SULT6B1: variants seen among roughly 807,000 people sequenced by gnomAD.
SULT6B1 encodes the protein sulfotransferase family 6B member 1.
In SULT6B1, 44 loss-of-function variants were observed where a neutral mutation model predicts 37.2. That is an observed-to-expected ratio of 1.18 (90% CI 0.93 to 1.52). The LOEUF is 1.52. Ranked by LOEUF, SULT6B1 falls within the 40% of genes most tolerant of loss-of-function variation. SULT6B1 has a pLI of 0.00. For synonymous variants in SULT6B1, 140 were observed against 126.0 expected (o/e 1.11, Z -0.74); for missense variants, 450 against 361.0 (o/e 1.25, Z -2.00).
chr2:37,168,404 A>G (rs1173580305), intron 6 of SULT6B1, among the ~76,000 whole-genome samples: 1 of 152,150 alleles, frequency 6.6e-6, no homozygotes, highest in African/African-American at 2.4e-5. Context: ...GTGATCCGCC[A>G]GCCTCGGCCT....
chr2:37,187,479 A>G lies in SULT6B1; in HGVS notation c.200-12T>C. 3 of 1,522,394 alleles carry G rather than the reference A, an allele frequency of 2.0e-6. No homozygotes were observed. The South Asian group carries it at 3.6e-5, about 18-fold the overall frequency. The allele number at this position is 1,522,394 out of a possible 1,614,324, so 94.3% of individuals were successfully genotyped here. Reference sequence around the variant, plus strand: ...AATCCAGTTTGAACCTATCAGAAAAATCAGAGAATAAAAACTCATTACGGA... The same window carrying G: ...AATCCAGTTTGAACCTATCAGAAAAGTCAGAGAATAAAAACTCATTACGGA... On this transcript the variant is annotated splice_polypyrimidine_tract_variant and intron_variant, in intron 1 of 6. Coordinates refer to ENST00000535679, the MANE Select transcript of SULT6B1 (RefSeq NM_001367551.1).
intron 5 of SULT6B1, among the ~76,000 whole-genome samples, chr2:37,173,436 T>A (rs1676349032): frequency 1.3e-5 from 2 of 152,222 alleles, no homozygotes; most frequent in African/African-American, 4.8e-5. Context: ...GTGTCAGTGA[T>A]GCCCAAATTT....
intron 4 of SULT6B1, 25 bp downstream of exon 4, chr2:37,179,433 A>T: frequency 6.2e-7 from 1 of 1,612,352 alleles, no homozygotes; most frequent in Non-Finnish European, 8.5e-7. Context: ...TCAAGTAAGA[A>T]TAATTCTTTT....
rs530254493 is a variant in SULT6B1 at position 37,180,997 on chromosome 2, T to C, written c.403-1413A>G. Reference sequence around the variant, plus strand: ...ACTCTCTTGGCTGGGTAATAGTTAATGTTTTAATGAATCATTTAGGTAAAG... The same window carrying C: ...ACTCTCTTGGCTGGGTAATAGTTAACGTTTTAATGAATCATTTAGGTAAAG... On this transcript the variant is annotated intron_variant, in intron 3 of 6. Coordinates refer to ENST00000535679, the MANE Select transcript of SULT6B1 (RefSeq NM_001367551.1). Among the ~76,000 whole-genome samples, 104 of 152,342 alleles carry C rather than the reference T, an allele frequency of 6.8e-4. No homozygotes were observed. In the South Asian group the frequency reaches 0.019, roughly 28 times the overall value.
At chr2:37,182,357 G>A (rs557350493) in intron 3 of SULT6B1, among the ~76,000 whole-genome samples, 1 of 151,740 alleles carries the variant, frequency 6.6e-6, no homozygotes, top group East Asian at 1.9e-4. Context: ...AGATTCAAGC[G>A]ATTCTGCTGC....
chr2:37,176,356 G>A lies in SULT6B1; in HGVS notation c.530-1130C>T, dbSNP rs113831563. ...CAGCTCACTGCAACCTCTGCCTCCC[G>A]GTTTCAAGCAATTCTGTCTCAGTCT... On this transcript the variant is annotated intron_variant, in intron 4 of 6. Coordinates refer to ENST00000535679, the MANE Select transcript of SULT6B1 (RefSeq NM_001367551.1). Among the ~76,000 whole-genome samples the A allele has an allele frequency of 1.3e-3, 171 of 133,790 alleles. 5 individuals carry two copies. The East Asian group carries it at 0.036, about 28-fold the overall frequency. The allele number at this position is 133,790 out of a possible 152,430, so 87.8% of individuals were successfully genotyped here.
chr2:37,182,293 G>A (rs1054045888), intron 3 of SULT6B1, among the ~76,000 whole-genome samples: 16 of 145,128 alleles, frequency 1.1e-4, no homozygotes, highest in Non-Finnish European at 3.0e-5. Flanking sequence ...TCGCTCTGCC[G>A]CCCAGGCTGG....
intron 1 of SULT6B1, among the ~76,000 whole-genome samples, chr2:37,194,945 C>A (rs1206667428): frequency 1.6e-5 from 1 of 62,122 alleles, no homozygotes; most frequent in Admixed American, 2.5e-4. Flanking sequence ...TCCTTCCTTC[C>A]TTCCTTCCTT....
At chr2:37,186,661 G>T (rs927010531) in intron 2 of SULT6B1, among the ~76,000 whole-genome samples, 6 of 152,154 alleles carry the variant, frequency 3.9e-5, no homozygotes, top group African/African-American at 1.4e-4. Flanking sequence ...GGAGGCCGAG[G>T]TGGGAGGATC....
At chr2:37,193,294 TA>T (rs55842015), upstream of SULT6B1, among the ~76,000 whole-genome samples, 237 of 131,354 alleles carry the variant, frequency 1.8e-3, no homozygotes, top group Middle Eastern at 7.9e-3. Flanking sequence ...TGTCTCTACT[TA>T]AAAAAAAAAA....
chr2:37,171,130 C>T (rs184032018), intron 6 of SULT6B1, among the ~76,000 whole-genome samples: 1 of 152,012 alleles, frequency 6.6e-6, no homozygotes, highest in Non-Finnish European at 1.5e-5. Flanking sequence ...GTCCCAGCTA[C>T]TCGGGAGGCT....
At chr2:37,189,073 G>T (rs1676732552), upstream of SULT6B1, among the ~76,000 whole-genome samples, 1 of 152,156 alleles carries the variant, frequency 6.6e-6, no homozygotes, top group African/African-American at 2.4e-5. Context: ...CAATGGGATT[G>T]TGAGGTAATT....
At chr2:37,191,738 A>G (rs1211170627), upstream of SULT6B1, among the ~76,000 whole-genome samples, 1 of 152,220 alleles carries the variant, frequency 6.6e-6, no homozygotes, top group Middle Eastern at 3.2e-3. Context: ...TGGGTACGAA[A>G]AAAACTGTAA....
At chr2:37,168,920 A>G (rs1219239136) in intron 6 of SULT6B1, among the ~76,000 whole-genome samples, 1 of 152,210 alleles carries the variant, frequency 6.6e-6, no homozygotes, top group Non-Finnish European at 1.5e-5. Context: ...TGACATGAAG[A>G]AACGCTTACA....
At chr2:37,194,822 C>T (rs1247768554) in intron 1 of SULT6B1, 1 of 153,086 alleles carries the variant, frequency 6.5e-6, no homozygotes, top group Non-Finnish European at 1.5e-5. Flanking sequence ...CTGAACCATT[C>T]CAATGACCTT....
chr2:37,173,824 C>T (rs116360249), intron 5 of SULT6B1, among the ~76,000 whole-genome samples: 1,746 of 152,314 alleles, frequency 0.011, 32 homozygotes, highest in East Asian at 0.054. Context: ...TGGACTATTG[C>T]AGTGCCCTCT....
At chr2:37,183,913 C>G (rs142608746) in intron 2 of SULT6B1, among the ~76,000 whole-genome samples, 3,524 of 152,158 alleles carry the variant, frequency 0.023, 64 homozygotes, top group Middle Eastern at 0.054. Flanking sequence ...CAAAGTGCTG[C>G]GATTACAGGC....
Position 37,171,558 on chromosome 2 carries a change from C to G in SULT6B1, c.657G>C (p.Glu219Asp), listed in dbSNP as rs569037589. The G allele has an allele frequency of 2.0e-4, 328 of 1,613,928 alleles. No homozygotes were observed. The highest frequency in any genetic ancestry group is 2.7e-4 in the Admixed American group (16 of 59,972). ...NLAAGIKQIA[E>D]FLGFFLTGEQ... ...CCCCAGTTAGAAAGAATCCCAAGAA[C>G]TCAGCAATCTGTTTTATTCCAGCAG... The change falls in exon 6 of 7, where the codon GAG (glutamate) becomes GAC (aspartate). Residue 219 changes from glutamate (E) to aspartate (D), a missense_variant. Physicochemically the swap from Glu to Asp is conservative, Grantham distance 45 (BLOSUM62 2). Coordinates refer to ENST00000535679, the MANE Select transcript of SULT6B1 (RefSeq NM_001367551.1).
rs763184090 is a variant in SULT6B1, at chr2:37,188,545, C to T, written c.96G>A (p.Gly32=). 1.6e-5 allele frequency: 26 copies of T among 1,613,344 alleles called. No individual in the cohort carries two copies. The highest frequency in any genetic ancestry group is 2.2e-5 in the South Asian group (2 of 91,060). Residue 32 remains glycine (G), a synonymous_variant, in exon 1 of 7, where the codon GGG becomes GGA. Coordinates refer to ENST00000535679, the MANE Select transcript of SULT6B1 (RefSeq NM_001367551.1). ...ALSHLFFTYQ[G]IPYPITMCTS... ...TGCACATGGTGATGGGGTAAGGAAT[C>T]CCCTGATAGGTGAAAAATAAATGAG...
Sources: allele counts gnomAD v4.1 joint callset (sites outside exome capture counted in the v4.1 genomes callset), GRCh38; gene constraint gnomAD v4.1.1; transcripts MANE v1.5; gene names NCBI Gene and HGNC (gene_info 2026-07-23, HGNC 2026-07-21).